Variants in SBF2 observed in about 807,000 individuals in gnomAD.
SBF2 encodes myotubularin-related protein 13.
A neutral mutation model predicts 225.2 loss-of-function variants in SBF2; 112 were observed. The observed-to-expected ratio is 0.50, with a 90% confidence interval of 0.43 to 0.58. SBF2 has a LOEUF of 0.58. SBF2 is among the 20% of genes least tolerant of loss of function. The probability of loss-of-function intolerance (pLI) is 0.00; values close to 1 mark genes in which losing one functional copy is unlikely to be tolerated. For missense variants in SBF2, 1,996 were observed against 2,206.2 expected, an observed-to-expected ratio of 0.90 and a Z score of 1.91; for synonymous variants, 763 against 773.3, an observed-to-expected ratio of 0.99 and a Z score of 0.22.
At chr11:10,038,641 C>G (rs1333601463) in intron 3 of SBF2, among the ~76,000 whole-genome samples, 1 of 151,768 alleles carries the variant, frequency 6.6e-6, no homozygotes, top group Non-Finnish European at 1.5e-5. Context: ...GATTTGAAGC[C>G]CACTGTGATG....
intron 21 of SBF2, among the ~76,000 whole-genome samples, chr11:9,851,686 C>A (rs760328081): frequency 6.6e-6 from 1 of 152,202 alleles, no homozygotes; most frequent in Non-Finnish European, 1.5e-5. Flanking sequence ...GTATAATAAT[C>A]GCTGTGTCTC....
rs201249004 is a variant in SBF2 at position 9,817,006 on chromosome 11, C to A, written c.3812G>T (p.Arg1271Leu). ...ALSPGVWASL[R>L]SSTRLISSPT... ...AGAGCTGATCAAGCGAGTGCTAGAG[C>A]GAAGACTTGCCCACACACCTTCACA... is the stretch of plus-strand genomic sequence containing the variant. Residue 1271 changes from arginine (R) to leucine (L), a missense_variant, in exon 29 of 40, where the codon CGC (arginine) becomes CTC (leucine). Transcript: ENST00000256190. 6 of 1,614,008 alleles carry A rather than the reference C, an allele frequency of 3.7e-6. No homozygotes were observed. The Admixed American group carries it at 1.0e-4, about 27-fold the overall frequency.
chr11:9,796,735 C>G (rs1853149000), intron 32 of SBF2, among the ~76,000 whole-genome samples: 1 of 152,146 alleles, frequency 6.6e-6, no homozygotes, highest in East Asian at 1.9e-4. Flanking sequence ...AAAGATAGTT[C>G]AAGTGCCAAG....
chr11:10,100,642 G>T (rs1363806307), intron 2 of SBF2, among the ~76,000 whole-genome samples: 5 of 152,166 alleles, frequency 3.3e-5, no homozygotes, highest in Admixed American at 3.3e-4. Context: ...TGAGGTATCT[G>T]GTTTGGTGAG....
intron 2 of SBF2, among the ~76,000 whole-genome samples, chr11:10,092,563 C>T (rs1951827539): frequency 6.6e-6 from 1 of 152,180 alleles, no homozygotes; most frequent in Admixed American, 6.5e-5. Context: ...TATAACTCCA[C>T]TAAGCCATTT....
intron 12 of SBF2, among the ~76,000 whole-genome samples, chr11:9,990,278 T>G (rs1160869987): frequency 6.6e-6 from 1 of 152,182 alleles, no homozygotes; most frequent in Non-Finnish European, 1.5e-5. Context: ...CATATAAAAC[T>G]ATGGCTTACC....
intron 2 of SBF2, among the ~76,000 whole-genome samples, chr11:10,091,410 A>G (rs1367201326): frequency 6.6e-6 from 1 of 152,136 alleles, no homozygotes; most frequent in Admixed American, 6.5e-5. Flanking sequence ...TGTACTCTAC[A>G]CTATAACCTA....
At chr11:10,084,529 T>A in intron 2 of SBF2, among the ~76,000 whole-genome samples, 1 of 152,134 alleles carries the variant, frequency 6.6e-6, no homozygotes, top group East Asian at 1.9e-4. Context: ...TGAAGATATC[T>A]CAAAGAACTA....
chr11:9,962,302 A>G (rs1176930500), intron 15 of SBF2, among the ~76,000 whole-genome samples, 196 bp from the exon 16 acceptor site: 1 of 152,230 alleles, frequency 6.6e-6, no homozygotes, highest in Non-Finnish European at 1.5e-5. Context: ...TTATATGTAA[A>G]CCAGCAAGAA....
At chr11:9,881,917 G>A (rs1172105261) in intron 17 of SBF2, among the ~76,000 whole-genome samples, 1 of 152,160 alleles carries the variant, frequency 6.6e-6, no homozygotes, top group Non-Finnish European at 1.5e-5. Flanking sequence ...GAGACCAGGA[G>A]TTTGAGGCTG....
chr11:9,997,440 T>C (rs926197095), intron 9 of SBF2, among the ~76,000 whole-genome samples: 1 of 152,252 alleles, frequency 6.6e-6, no homozygotes, highest in African/African-American at 2.4e-5. Context: ...GGCTTGAATG[T>C]AGCATATACT....
chr11:9,878,323 T>C (rs2134073611), intron 17 of SBF2, among the ~76,000 whole-genome samples: 1 of 152,322 alleles, frequency 6.6e-6, no homozygotes, highest in Middle Eastern at 3.4e-3. Context: ...ATTGCAAAAA[T>C]TTCCTCCCAT....
Position 9,840,252 on chromosome 11 carries a change from C to CAAAA in SBF2, c.3257-560_3257-557dup, listed in dbSNP as rs373616505. 8.4e-3 allele frequency among the ~76,000 whole-genome samples: 820 copies of CAAAA among 97,848 alleles called. 17 individuals are homozygous for CAAAA. The highest frequency in any genetic ancestry group is 0.012 in the Non-Finnish European group (622 of 50,778). The allele number at this position is 97,848 out of a possible 152,430, so 64.2% of individuals were successfully genotyped here. On this transcript the variant is annotated intron_variant, in intron 25 of 39. Coordinates refer to ENST00000256190, the MANE Select transcript of SBF2 (RefSeq NM_030962.4). Reference sequence around the variant, plus strand: ...TTGTCTCAAACCCCGCCCCCAGCCGCAAAAAAAAAAAAAAACAAACCCGCT... The same window carrying CAAAA: ...TTGTCTCAAACCCCGCCCCCAGCCGCAAAAAAAAAAAAAAAAAAACAAACCCGCT...
intron 1 of SBF2, among the ~76,000 whole-genome samples, chr11:10,289,557 G>C (rs531908871): frequency 6.6e-6 from 1 of 152,078 alleles, no homozygotes; most frequent in African/African-American, 2.4e-5. Context: ...CCTGCCTAGG[G>C]GGGTGCCTCC....
chr11:10,071,433 A>AT (rs1950873614), intron 2 of SBF2, among the ~76,000 whole-genome samples: 1 of 151,600 alleles, frequency 6.6e-6, no homozygotes, highest in South Asian at 2.1e-4. Flanking sequence ...CGCCTGGCTA[A>AT]TTTTTTGTAT....
intron 1 of SBF2, among the ~76,000 whole-genome samples, chr11:10,200,746 AAC>A (rs1181599859): frequency 6.6e-6 from 1 of 152,218 alleles, no homozygotes; most frequent in East Asian, 1.9e-4. Context: ...ATTTTAAATT[AAC>A]AGTCTGATAT....
At chr11:10,270,002 G>A (rs1236576368) in intron 1 of SBF2, among the ~76,000 whole-genome samples, 10 of 151,958 alleles carry the variant, frequency 6.6e-5, no homozygotes, top group Non-Finnish European at 1.3e-4. Flanking sequence ...AAAAATCAAT[G>A]CAAAAATCTG....
At chr11:10,219,245 C>T (rs1409197061) in intron 1 of SBF2, among the ~76,000 whole-genome samples, 4 of 152,200 alleles carry the variant, frequency 2.6e-5, no homozygotes, top group Admixed American at 6.5e-5. Context: ...TTTGTGTACC[C>T]ACAGGCTCAA....
intron 16 of SBF2, among the ~76,000 whole-genome samples, chr11:9,938,087 C>T (rs550814591): frequency 9.9e-5 from 15 of 152,058 alleles, no homozygotes; most frequent in Admixed American, 3.9e-4. Flanking sequence ...GTCAGGAGAT[C>T]GAGACCATCC....
Sources: gnomAD v4.1 joint callset for allele counts (sites outside exome capture counted in the v4.1 genomes callset) on GRCh38, gnomAD v4.1.1 for gene constraint, MANE v1.5 for transcripts, NCBI Gene and HGNC (gene_info 2026-07-23, HGNC 2026-07-21) for gene names.